The following KIAA0825 variants were observed in gnomAD, a reference collection of about 807,000 sequenced individuals.
KIAA0825 encodes uncharacterized protein KIAA0825.
Under a neutral mutation model 147.6 loss-of-function variants are expected in KIAA0825, and 119 were observed. The observed-to-expected ratio is 0.81, with a 90% CI of 0.69 to 0.94. The LOEUF (loss-of-function observed/expected upper bound fraction) is 0.94, where lower values mean the gene tolerates loss of function less well. KIAA0825 is among the 40% of genes least tolerant of loss of function. The pLI is 0.00. For synonymous variants in KIAA0825, 470 were observed against 518.1 expected, an observed-to-expected ratio of 0.91 and a Z score of 1.26; for missense variants, 1,381 against 1,472.7, an observed-to-expected ratio of 0.94 and a Z score of 1.02.
chr5:94,321,104 G>A (rs1038810706), intron 20 of KIAA0825, among the ~76,000 whole-genome samples: 6 of 151,802 alleles, frequency 4.0e-5, no homozygotes, highest in South Asian at 2.1e-4. Flanking sequence ...AGTTTTTCAC[G>A]CTGTATCTGG....
At chr5:94,437,100 A>G (rs1756476608) in intron 14 of KIAA0825, among the ~76,000 whole-genome samples, 1 of 152,172 alleles carries the variant, frequency 6.6e-6, no homozygotes, top group Non-Finnish European at 1.5e-5. Context: ...TTTGCTCTAA[A>G]ATTTTGCTTT....
chr5:94,281,405 C>T (rs980854641), intron 20 of KIAA0825, among the ~76,000 whole-genome samples: 23 of 152,236 alleles, frequency 1.5e-4, no homozygotes, highest in Admixed American at 4.6e-4. Context: ...AAGTTGGCCA[C>T]ACATTAAAAC....
chr5:94,602,646 T>A (rs1245067477), intron 1 of KIAA0825, among the ~76,000 whole-genome samples: 1 of 152,098 alleles, frequency 6.6e-6, no homozygotes, highest in Non-Finnish European at 1.5e-5. Context: ...TTCACTTGGC[T>A]CTCATCTCTC....
At chr5:94,610,764 CAAA>C (rs756579848) in intron 1 of KIAA0825, among the ~76,000 whole-genome samples, 1 of 20,836 alleles carries the variant, frequency 4.8e-5, no homozygotes, top group African/African-American at 2.0e-4. Context: ...ACTCTATCTG[CAAA>C]AAAAAAAAAA....
intron 5 of KIAA0825, 87 bp downstream of exon 5, chr5:94,520,161 G>A: frequency 7.3e-7 from 1 of 1,371,114 alleles, no homozygotes; most frequent in South Asian, 2.1e-5. Context: ...TTTGCAGTGA[G>A]ATTTAACCAA....
chr5:94,411,750 C>T (rs1020735989), intron 15 of KIAA0825, among the ~76,000 whole-genome samples: 2 of 151,926 alleles, frequency 1.3e-5, no homozygotes, highest in Non-Finnish European at 2.9e-5. Context: ...AGTTCGAGAC[C>T]AGCCTGGCCA....
intron 20 of KIAA0825, among the ~76,000 whole-genome samples, chr5:94,198,480 CA>C: frequency 6.7e-6 from 1 of 150,308 alleles, no homozygotes; most frequent in African/African-American, 2.4e-5. Flanking sequence ...CCATCATCCT[CA>C]GCAAACTAAC....
chr5:94,316,417 A>T (rs1324854453), intron 20 of KIAA0825, among the ~76,000 whole-genome samples: 5 of 151,486 alleles, frequency 3.3e-5, no homozygotes, highest in Non-Finnish European at 4.4e-5. Context: ...GAAACACTGC[A>T]GGGGACTAGC....
chr5:94,176,404 T>C (rs1040134243), intron 20 of KIAA0825, among the ~76,000 whole-genome samples: 2 of 152,114 alleles, frequency 1.3e-5, no homozygotes, highest in African/African-American at 2.4e-5. Flanking sequence ...CCTCTTTTCT[T>C]TGTAAATTAC....
intron 15 of KIAA0825, among the ~76,000 whole-genome samples, chr5:94,411,016 A>G (rs1182924827): frequency 1.3e-5 from 2 of 152,164 alleles, no homozygotes; most frequent in Non-Finnish European, 2.9e-5. Context: ...AAAACAATAA[A>G]TTGTAGGGTT....
chr5:94,338,758 T>C (rs1782065280), intron 20 of KIAA0825, among the ~76,000 whole-genome samples: 1 of 152,124 alleles, frequency 6.6e-6, no homozygotes, highest in African/African-American at 2.4e-5. Flanking sequence ...ATACGCACTA[T>C]GATGTTTGCA....
intron 8 of KIAA0825, 68 bp downstream of exon 8, chr5:94,473,224 G>T (rs1330670573): frequency 1.6e-6 from 2 of 1,249,228 alleles, no homozygotes; most frequent in African/African-American, 3.0e-5. Flanking sequence ...GGTCCTTTTT[G>T]CAATGCCTTA....
At chr5:94,327,041 G>T (rs1780765301) in intron 20 of KIAA0825, among the ~76,000 whole-genome samples, 1 of 152,112 alleles carries the variant, frequency 6.6e-6, no homozygotes, top group African/African-American at 2.4e-5. Context: ...TATGCTAAGT[G>T]GTCTATATAG....
chr5:94,426,054 A>ATTATTATT (rs1754839994), intron 14 of KIAA0825, among the ~76,000 whole-genome samples: 10 of 109,582 alleles, frequency 9.1e-5, no homozygotes, highest in African/African-American at 3.1e-4. Flanking sequence ...TTATTATTAT[A>ATTATTATT]GAGAGAAGGT....
intron 20 of KIAA0825, among the ~76,000 whole-genome samples, chr5:94,208,675 G>A (rs1772426960): frequency 6.6e-6 from 1 of 152,202 alleles, no homozygotes; most frequent in Non-Finnish European, 1.5e-5. Context: ...TTAGAGGATG[G>A]GAAAGATGGA....
chr5:94,432,929 C>T (rs1755878124), intron 14 of KIAA0825, among the ~76,000 whole-genome samples: 1 of 152,120 alleles, frequency 6.6e-6, no homozygotes. Flanking sequence ...CCATACACAA[C>T]AAAACACCAA....
intron 20 of KIAA0825, among the ~76,000 whole-genome samples, chr5:94,201,333 T>C (rs541399561): frequency 1.3e-5 from 2 of 152,052 alleles, no homozygotes; most frequent in South Asian, 4.1e-4. Context: ...TTTAATAAAA[T>C]GCAGTGGGGC....
At chr5:94,206,617 T>C (rs1772222766) in intron 20 of KIAA0825, among the ~76,000 whole-genome samples, 1 of 152,226 alleles carries the variant, frequency 6.6e-6, no homozygotes, top group Non-Finnish European at 1.5e-5. Context: ...AAGGCTCTTC[T>C]AATTCTTGTA....
At chr5:94,477,474 C>T (rs1023325841) in intron 6 of KIAA0825, among the ~76,000 whole-genome samples, 6 of 151,862 alleles carry the variant, frequency 4.0e-5, no homozygotes, top group African/African-American at 9.7e-5. Flanking sequence ...CAATTACATT[C>T]ATTTTTGATG....
Sources: gnomAD v4.1 joint callset for allele counts (sites outside exome capture counted in the v4.1 genomes callset) on GRCh38, gnomAD v4.1.1 for gene constraint, MANE v1.5 for transcripts, NCBI Gene and HGNC (gene_info 2026-07-23, HGNC 2026-07-21) for gene names.